Variants in LNX2 observed in about 807,000 individuals in gnomAD.
The protein encoded by LNX2 is ligand of Numb protein X 2.
LNX2 carries 35 observed loss-of-function variants against 66.2 expected under a neutral mutation model. The observed-to-expected ratio is 0.53, with a 90% CI of 0.40 to 0.70. The LOEUF is 0.70. Ranked by LOEUF, LNX2 falls within the 30% of genes least tolerant of loss-of-function variation. The pLI is 0.00. For missense variants in LNX2, 791 were observed against 850.8 expected (o/e 0.93, Z 0.87); for synonymous variants, 337 against 315.6 (o/e 1.07, Z -0.72).
chr13:27,562,077 G>C (rs994344442), intron 5 of LNX2, among the ~76,000 whole-genome samples: 2 of 152,110 alleles, frequency 1.3e-5, no homozygotes, highest in African/African-American at 2.4e-5. Flanking sequence ...GCTCTTTTGA[G>C]CCTCCCTTTC....
At position 27,547,570 on chromosome 13, in the gene LNX2, G is replaced by C. The variant is rs17085749; in HGVS notation, c.*765C>G. On this transcript the variant is annotated 3_prime_UTR_variant, in exon 10 of 10. Transcript: ENST00000316334. ...GAAATGTTGGCACCAATAAAAAATG[G>C]GAACGGCCGGGTGCGGCAGCTCACA... is the stretch of plus-strand genomic sequence containing the variant. 6.6e-6 allele frequency: 1 copy of C among 152,094 alleles called. No homozygotes were observed. Among genetic ancestry groups the C allele is most frequent in the African/African-American group, 2.4e-5 (1 of 41,396 alleles). 9.4% of individuals were successfully genotyped at this position (152,094 alleles called of 1,614,324 possible).
rs149349039 is a variant in LNX2, at chr13:27,597,804, G to A, written c.-100-16001C>T. ...GAAAGAAGAAAAGCGGGTAAGAAAAGGTGTTAGCATACCATAACCAGCATA... is the reference window on the plus strand; with the variant it reads ...GAAAGAAGAAAAGCGGGTAAGAAAAAGTGTTAGCATACCATAACCAGCATA... On this transcript the variant is annotated intron_variant, in intron 1 of 9. Transcript: ENST00000316334. Among the ~76,000 whole-genome samples the A allele has an allele frequency of 3.1e-3, 472 of 152,166 alleles. 2 individuals carry two copies. The highest frequency in any genetic ancestry group is 0.011 in the African/African-American group (450 of 41,528).
chr13:27,551,890 G>A (rs192631174), intron 8 of LNX2, among the ~76,000 whole-genome samples: 72 of 152,214 alleles, frequency 4.7e-4, no homozygotes, highest in South Asian at 1.0e-3. Flanking sequence ...CCCTTTTCAC[G>A]AAAAGCAGAG....
chr13:27,555,207 C>T (rs1955043323), intron 7 of LNX2, among the ~76,000 whole-genome samples: 1 of 152,182 alleles, frequency 6.6e-6, no homozygotes, highest in African/African-American at 2.4e-5. Context: ...CCTTGGCCTC[C>T]CAAAGTGGTG....
intron 6 of LNX2, among the ~76,000 whole-genome samples, chr13:27,558,362 G>C (rs1314914622): frequency 6.6e-6 from 1 of 151,952 alleles, no homozygotes; most frequent in Non-Finnish European, 1.5e-5. Context: ...TCACTATTTA[G>C]AACATTGTCA....
chr13:27,556,257 G>T lies in LNX2; in HGVS notation c.1525C>A (p.Arg509=). 6.2e-7 allele frequency: 1 copy of T among 1,613,688 alleles called. No homozygotes were observed. The highest frequency in any genetic ancestry group is 1.1e-5 in the South Asian group (1 of 91,058). ...TTACCTCTCTTTATTCTGCCATCTC[G>T]TGCAAGGCAGCCATGGGGTGGCACA... ...TSVPPHGCLA[R]DGRIKRGDVL... The change falls in exon 7 of 10, where the codon CGA becomes AGA. Residue 509 remains arginine, a synonymous_variant. Coordinates refer to ENST00000316334, the MANE Select transcript of LNX2 (RefSeq NM_153371.4).
chr13:27,553,380 C>A lies in LNX2; in HGVS notation c.1606G>T (p.Val536Phe). Residue 536 changes from valine (V) to phenylalanine (F), a missense_variant, in exon 8 of 10, where the codon GTT (valine) becomes TTT (phenylalanine). Physicochemically the swap from Val to Phe is conservative, Grantham distance 50 (BLOSUM62 -1). Coordinates refer to ENST00000316334, the MANE Select transcript of LNX2 (RefSeq NM_153371.4). ...DLTNLSHSEA[V>F]AMLKASAASP... ...GCGGCACTGGCTTTCAGCATTGCAA[C>A]TGCCTCACTGTGACTTAAATTGGTC... 1 of 1,614,192 alleles carries A rather than the reference C, an allele frequency of 6.2e-7. No homozygotes were observed. Among genetic ancestry groups the A allele is most frequent in the Non-Finnish European group, 8.5e-7 (1 of 1,180,028 alleles).
Position 27,616,823 on chromosome 13 carries a change from C to T in LNX2, c.-101+3552G>A, listed in dbSNP as rs1374042616. 5.9e-5 allele frequency among the ~76,000 whole-genome samples: 9 copies of T among 152,352 alleles called. No individual in the cohort carries two copies. In the East Asian group the frequency reaches 1.5e-3, roughly 26 times the overall value. ...GGAGCGCAGTGGCGCAATCTCAGCT[C>T]ACTGAAACCTCTAGCTCCCGGGTTC... On this transcript the variant is annotated intron_variant, in intron 1 of 9. Coordinates refer to ENST00000316334, the MANE Select transcript of LNX2 (RefSeq NM_153371.4).
chr13:27,570,565 C>T (rs1955266926), intron 2 of LNX2, among the ~76,000 whole-genome samples: 1 of 152,118 alleles, frequency 6.6e-6, no homozygotes, highest in South Asian at 2.1e-4. Flanking sequence ...TATTGTTGTA[C>T]AGCACTCCAG....
intron 1 of LNX2, among the ~76,000 whole-genome samples, chr13:27,583,986 A>C (rs1406359825): frequency 6.6e-6 from 1 of 152,122 alleles, no homozygotes; most frequent in Non-Finnish European, 1.5e-5. Context: ...AAAATGGACA[A>C]GGGCACCTTG....
intron 1 of LNX2, among the ~76,000 whole-genome samples, chr13:27,611,929 T>C (rs1278871314): frequency 6.6e-6 from 1 of 152,186 alleles, no homozygotes; most frequent in Non-Finnish European, 1.5e-5. Flanking sequence ...ATTTATAGGC[T>C]GGTGTGAAAA....
At chr13:27,557,795 G>C (rs1955081525) in intron 6 of LNX2, among the ~76,000 whole-genome samples, 11 of 152,006 alleles carry the variant, frequency 7.2e-5, no homozygotes, top group Admixed American at 7.2e-4. Flanking sequence ...AAAATGTTAT[G>C]ACCAAGGAGA....
At chr13:27,587,354 A>G (rs1249717722) in intron 1 of LNX2, among the ~76,000 whole-genome samples, 1 of 151,954 alleles carries the variant, frequency 6.6e-6, no homozygotes, top group East Asian at 1.9e-4. Context: ...CCTACAGTGC[A>G]TGTTTGCTCA....
In LNX2 at chr13:27,595,350, T is replaced by C. The variant is rs114560415; in HGVS notation, c.-100-13547A>G. ...TGGTTTGCAATCACTTGTTTGCATG[T>C]GTCTTCCCTACAGACTGAACAGCCA... On this transcript the variant is annotated intron_variant, in intron 1 of 9. Coordinates refer to ENST00000316334, the MANE Select transcript of LNX2 (RefSeq NM_153371.4). Among the ~76,000 whole-genome samples, 465 of 152,346 alleles carry C rather than the reference T, an allele frequency of 3.1e-3. 3 individuals are homozygous for C. The highest frequency in any genetic ancestry group is 1.0e-2 in the African/African-American group (414 of 41,578).
At chr13:27,554,876 C>T (rs2138321636) in intron 7 of LNX2, among the ~76,000 whole-genome samples, 1 of 152,332 alleles carries the variant, frequency 6.6e-6, no homozygotes, top group South Asian at 2.1e-4. Context: ...CACTGCTCCA[C>T]ATCCTTGCCA....
chr13:27,558,452 GT>G (rs1433736825), intron 6 of LNX2, among the ~76,000 whole-genome samples: 1 of 151,990 alleles, frequency 6.6e-6, no homozygotes, highest in East Asian at 1.9e-4. Context: ...ATTAAGGAGA[GT>G]TTGCTATAGG....
intron 1 of LNX2, among the ~76,000 whole-genome samples, chr13:27,592,296 C>T (rs2138428469): frequency 6.6e-6 from 1 of 152,244 alleles, no homozygotes; most frequent in South Asian, 2.1e-4. Flanking sequence ...TAGATATATT[C>T]TGAAGGTAGA....
At chr13:27,612,717 G>C (rs1265826003) in intron 1 of LNX2, among the ~76,000 whole-genome samples, 1 of 152,026 alleles carries the variant, frequency 6.6e-6, no homozygotes, top group Non-Finnish European at 1.5e-5. Flanking sequence ...TCCCACCTTA[G>C]CCTCCCCAGT....
In LNX2 at chr13:27,569,140, CCAAA is replaced by C; in HGVS notation, c.540_543del (p.Cys180TrpfsTer12). 1.9e-6 allele frequency: 3 copies of C among 1,612,768 alleles called. No homozygotes were observed. The highest frequency in any genetic ancestry group is 2.5e-6 in the Non-Finnish European group (3 of 1,179,572). Reference sequence around the variant, plus strand: ...CGCTCCACAGGCACTGCGCCTGTCCCCAAACAGTCTGCTTCTGGAGATAAGGTAC... The same window carrying C: ...CGCTCCACAGGCACTGCGCCTGTCCCCAGTCTGCTTCTGGAGATAAGGTAC... On this transcript the variant is annotated frameshift_variant, in exon 3 of 10. Transcript: ENST00000316334. LOFTEE classifies it high-confidence loss of function.
Sources: allele counts gnomAD v4.1 joint callset (sites outside exome capture counted in the v4.1 genomes callset), GRCh38; gene constraint gnomAD v4.1.1; transcripts MANE v1.5; gene names NCBI Gene and HGNC (gene_info 2026-07-23, HGNC 2026-07-21).